Variants in LSM3 observed in about 807,000 individuals in gnomAD.
LSM3 encodes U6 snRNA-associated Sm-like protein LSm3.
A neutral mutation model predicts 15.4 loss-of-function variants in LSM3; 14 were observed. The ratio of observed to expected loss-of-function variants is 0.91; its 90% confidence interval spans 0.60 to 1.42. LSM3 has a LOEUF of 1.42. LSM3 is among the 40% of genes most tolerant of loss of function. LSM3 has a pLI of 0.00. For missense variants in LSM3, 88 were observed against 127.9 expected (o/e 0.69, Z 1.50); for synonymous variants, 46 against 45.1 (o/e 1.02, Z -0.08).
intron 1 of LSM3, 64 bp downstream of exon 1, chr3:14,178,945 C>T (rs1696972750): frequency 3.2e-6 from 5 of 1,576,620 alleles, no homozygotes; most frequent in African/African-American, 1.3e-5. Flanking sequence ...TTTCCAGACT[C>T]AGGAAAAATG....
chr3:14,199,457 A>G lies in LSM3; in HGVS notation c.*1341A>G, dbSNP rs1320583436. 6.6e-6 allele frequency: 1 copy of G among 152,224 alleles called. No individual in the cohort carries two copies. Among genetic ancestry groups the G allele is most frequent in the Non-Finnish European group, 1.5e-5 (1 of 68,030 alleles). 9.4% of individuals were successfully genotyped at this position (152,224 alleles called of 1,614,324 possible). ...TGTGTGTGCGTGTTCATTATCAAGC[A>G]CGATATGCTCACAAATGCACAGTAC... is the stretch of plus-strand genomic sequence containing the variant. On this transcript the variant is annotated 3_prime_UTR_variant, in exon 4 of 4. Coordinates refer to ENST00000306024, the MANE Select transcript of LSM3 (RefSeq NM_014463.3).
rs1697208828 is a variant in LSM3, at chr3:14,198,823, C to A, written c.*707C>A. 1 of 149,536 alleles carries A rather than the reference C, an allele frequency of 6.7e-6. No individual in the cohort carries two copies. The highest frequency in any genetic ancestry group is 1.5e-5 in the Non-Finnish European group (1 of 67,812). The allele number at this position is 149,536 out of a possible 1,614,324, so 9.3% of individuals were successfully genotyped here. On this transcript the variant is annotated 3_prime_UTR_variant, in exon 4 of 4. Transcript: ENST00000306024. ...AGTGAGCCAAGATCACACCATTGCA[C>A]TTCAACCTGGTCAACAGAGCGAGAC...
At chr3:14,184,886 T>C (rs923570400) in intron 3 of LSM3, among the ~76,000 whole-genome samples, 10 of 151,632 alleles carry the variant, frequency 6.6e-5, no homozygotes, top group Non-Finnish European at 1.2e-4. Flanking sequence ...TGAAGCCCTG[T>C]CTCTGCTAAA....
intron 2 of LSM3, among the ~76,000 whole-genome samples, chr3:14,182,855 A>G (rs1697052622): frequency 2.0e-5 from 3 of 152,220 alleles, no homozygotes; most frequent in African/African-American, 7.2e-5. Flanking sequence ...CAGAATTTGA[A>G]TCTAGGTTGT....
At chr3:14,191,604 T>C (rs1697140313) in intron 3 of LSM3, among the ~76,000 whole-genome samples, 1 of 152,226 alleles carries the variant, frequency 6.6e-6, no homozygotes. Flanking sequence ...TGGTAGTTTG[T>C]ATTTCTGTGG....
intron 3 of LSM3, among the ~76,000 whole-genome samples, chr3:14,186,508 A>G (rs910764241): frequency 2.6e-5 from 4 of 152,176 alleles, no homozygotes; most frequent in Non-Finnish European, 5.9e-5. Flanking sequence ...GTTCTGCTTT[A>G]TCCTGGCTTT....
intron 3 of LSM3, among the ~76,000 whole-genome samples, chr3:14,188,996 C>T (rs1697115599): frequency 6.6e-6 from 1 of 152,080 alleles, no homozygotes. Flanking sequence ...TGTTCCCCTC[C>T]CTGTGCCCAT....
intron 3 of LSM3, among the ~76,000 whole-genome samples, chr3:14,196,903 G>A (rs1474262640): frequency 6.6e-6 from 1 of 152,230 alleles, no homozygotes; most frequent in Non-Finnish European, 1.5e-5. Context: ...CAAAGGGCCA[G>A]TAACCTGTCT....
intron 3 of LSM3, among the ~76,000 whole-genome samples, chr3:14,193,496 A>T (rs1697159879): frequency 2.6e-5 from 4 of 151,756 alleles, no homozygotes; most frequent in Admixed American, 2.6e-4. Context: ...TTTTTCTCTA[A>T]TCTTGTCTTC....
intron 3 of LSM3, among the ~76,000 whole-genome samples, chr3:14,196,517 C>T (rs1022811718): frequency 6.6e-6 from 1 of 152,158 alleles, no homozygotes; most frequent in Non-Finnish European, 1.5e-5. Context: ...AGGATATCCA[C>T]CACAAAAACT....
intron 3 of LSM3, among the ~76,000 whole-genome samples, chr3:14,196,225 G>C (rs144702523): frequency 1.3e-5 from 2 of 151,956 alleles, no homozygotes; most frequent in South Asian, 4.2e-4. Flanking sequence ...CTAAAGTGCC[G>C]GATTACAGGT....
chr3:14,195,221 A>G (rs963001109), intron 3 of LSM3, among the ~76,000 whole-genome samples: 1 of 152,172 alleles, frequency 6.6e-6, no homozygotes, highest in Non-Finnish European at 1.5e-5. Flanking sequence ...AGGAGTGTAC[A>G]TGAGAAGTTT....
intron 3 of LSM3, among the ~76,000 whole-genome samples, chr3:14,192,253 T>G (rs1220671187): frequency 6.6e-6 from 1 of 152,220 alleles, no homozygotes; most frequent in Non-Finnish European, 1.5e-5. Context: ...AGAATGTGTA[T>G]TCTGTTGATT....
intron 3 of LSM3, among the ~76,000 whole-genome samples, chr3:14,187,165 T>C (rs1276371115): frequency 2.0e-5 from 3 of 152,208 alleles, no homozygotes; most frequent in Admixed American, 2.0e-4. Context: ...CCAAGTGCGG[T>C]TCCTCCTGAC....
intron 3 of LSM3, among the ~76,000 whole-genome samples, chr3:14,194,283 T>TG: frequency 6.6e-6 from 1 of 152,320 alleles, no homozygotes; most frequent in South Asian, 2.1e-4. Context: ...GCTCGAACGC[T>TG]GTGCTGGGAG....
chr3:14,200,161 CAT>C lies in LSM3; in HGVS notation c.*2048_*2049del, dbSNP rs746985328. 2.6e-5 allele frequency: 4 copies of C among 152,064 alleles called. No individual in the cohort carries two copies. Among genetic ancestry groups the C allele is most frequent in the African/African-American group, 9.7e-5 (4 of 41,326 alleles). The allele number at this position is 152,064 out of a possible 1,614,324, so 9.4% of individuals were successfully genotyped here. On this transcript the variant is annotated 3_prime_UTR_variant, in exon 4 of 4. Coordinates refer to ENST00000306024, the MANE Select transcript of LSM3 (RefSeq NM_014463.3). ...CCTTAATATCTGACACTGTTACTCT[CAT>C]ATGCACACACAACTAAAACATACCA... is the stretch of plus-strand genomic sequence containing the variant.
chr3:14,191,906 T>C (rs537792450), intron 3 of LSM3, among the ~76,000 whole-genome samples: 1 of 152,344 alleles, frequency 6.6e-6, no homozygotes, highest in South Asian at 2.1e-4. Flanking sequence ...CTGCTTTCTC[T>C]TGTGGGCATT....
rs7641448 is a variant in LSM3 at position 14,179,558 on chromosome 3, G to A, written c.21+677G>A. 7.1e-3 allele frequency among the ~76,000 whole-genome samples: 1,076 copies of A among 152,174 alleles called. 8 individuals are homozygous for A. Among genetic ancestry groups the A allele is most frequent in the African/African-American group, 0.024 (1,016 of 41,534 alleles). On this transcript the variant is annotated intron_variant, in intron 1 of 3. Coordinates refer to ENST00000306024, the MANE Select transcript of LSM3 (RefSeq NM_014463.3). ...GGACTTCTGCCCAAATAGCACTCCC[G>A]CTACTCTGGTTACCCTGCCTCATTT...
intron 2 of LSM3, 60 bp downstream of exon 2, chr3:14,181,730 A>C: frequency 8.2e-7 from 1 of 1,220,098 alleles, no homozygotes; most frequent in Middle Eastern, 1.9e-4. Context: ...ACTCCCTTGA[A>C]ATGTAAAACC....
Sources: gnomAD v4.1 joint callset for allele counts (sites outside exome capture counted in the v4.1 genomes callset) on GRCh38, gnomAD v4.1.1 for gene constraint, MANE v1.5 for transcripts, NCBI Gene and HGNC (gene_info 2026-07-23, HGNC 2026-07-21) for gene names.